The following ACTN4 variants were observed in gnomAD, a reference collection of about 807,000 sequenced individuals.
ACTN4 encodes the protein actinin alpha 4.
In ACTN4, 18 loss-of-function variants were observed where a neutral mutation model predicts 114.2. That is an observed-to-expected ratio of 0.16 (90% CI 0.11 to 0.23). The LOEUF (loss-of-function observed/expected upper bound fraction) is 0.23, where lower values mean the gene tolerates loss of function less well. ACTN4 is among the 10% of genes least tolerant of loss of function. The pLI is 1.00. For missense variants in ACTN4, 722 were observed against 1,262.9 expected, an observed-to-expected ratio of 0.57 and a Z score of 6.49; for synonymous variants, 515 against 506.3, an observed-to-expected ratio of 1.02 and a Z score of -0.23.
rs924560365 is a variant in ACTN4, at chr19:38,730,682, T to G, written c.*1250T>G. 3 of 714,676 alleles carry G rather than the reference T, an allele frequency of 4.2e-6. No homozygotes were observed. The highest frequency in any genetic ancestry group is 2.4e-5 in the Admixed American group (1 of 40,886). 44.3% of individuals were successfully genotyped at this position (714,676 alleles called of 1,614,324 possible). A position where few individuals can be genotyped will look rare whatever the true frequency, so the allele number is the denominator to read the frequency against. ...GGCTGTCGCTGTTCTTGTTTCTGAG[T>G]GAGGAGTACGCAGGCCAGAGTGGTC... On this transcript the variant is annotated 3_prime_UTR_variant, in exon 21 of 21. Coordinates refer to ENST00000252699, the MANE Select transcript of ACTN4 (RefSeq NM_004924.6).
chr19:38,706,233 C>G, intron 5 of ACTN4, 102 bp downstream of exon 5: 2 of 1,254,332 alleles, frequency 1.6e-6, no homozygotes, highest in Non-Finnish European at 2.3e-6. Flanking sequence ...CTGTGAGATG[C>G]CAGCCCTCAG....
At chr19:38,694,836 AAT>A (rs1164644630) in intron 1 of ACTN4, among the ~76,000 whole-genome samples, 1 of 152,104 alleles carries the variant, frequency 6.6e-6, no homozygotes. Context: ...AATTACCTTT[AAT>A]ATGTCATGCC....
rs1451228128 is a variant in ACTN4 at position 38,724,900 on chromosome 19, G to A, written c.2010+335G>A. Among the ~76,000 whole-genome samples, 11 of 152,300 alleles carry A rather than the reference G, an allele frequency of 7.2e-5. No individual in the cohort carries two copies. Among genetic ancestry groups the A allele is most frequent in the Admixed American group, 2.0e-4 (3 of 15,298 alleles). Reference sequence around the variant, plus strand: ...GCAGCCCAAGGAGGTCGAGGCTGCCGTGAGCTACGATCATGCCACTGCACT... The same window carrying A: ...GCAGCCCAAGGAGGTCGAGGCTGCCATGAGCTACGATCATGCCACTGCACT... On this transcript the variant is annotated intron_variant, in intron 16 of 20. Coordinates refer to ENST00000252699, the MANE Select transcript of ACTN4 (RefSeq NM_004924.6). This position sits in a 1 kb window ranked among gnomAD's most constrained non-coding sequence, Gnocchi z 7.0.
In ACTN4 at chr19:38,717,184, C is replaced by G. The variant is rs1968870021; in HGVS notation, c.1011C>G (p.Asp337Glu). 1 of 1,614,170 alleles carries G rather than the reference C, an allele frequency of 6.2e-7. No individual in the cohort carries two copies. The highest frequency in any genetic ancestry group is 1.3e-5 in the African/African-American group (1 of 74,954). Residue 337 changes from aspartate (D) to glutamate (E), a missense_variant, in exon 10 of 21, where the codon GAC becomes GAG. Asp to Glu is a conservative substitution (Grantham distance 45). Transcript: ENST00000252699. This position sits in a 1 kb window ranked among gnomAD's most constrained non-coding sequence, Gnocchi z 4.0. ...EMQQKLEDFR[D>E]YRRVHKPPKV... Reference sequence around the variant, plus strand: ...AGCAGAAGCTGGAGGACTTCCGCGACTACCGGCGTGTGCACAAGCCGCCCA... The same window carrying G: ...AGCAGAAGCTGGAGGACTTCCGCGAGTACCGGCGTGTGCACAAGCCGCCCA...
intron 9 of ACTN4, among the ~76,000 whole-genome samples, chr19:38,716,281 T>C (rs1968838473): frequency 6.6e-6 from 1 of 152,236 alleles, no homozygotes; most frequent in South Asian, 2.1e-4. Flanking sequence ...CCTAAAAGAA[T>C]ATGTTTGTTT....
intron 1 of ACTN4, among the ~76,000 whole-genome samples, chr19:38,669,281 C>T (rs1474631286): frequency 6.6e-6 from 1 of 152,158 alleles, no homozygotes; most frequent in East Asian, 1.9e-4. Flanking sequence ...TCACCGCGCC[C>T]AGCCAAAATC....
In ACTN4 at chr19:38,724,685, C is replaced by T; in HGVS notation, c.2010+120C>T. 6.6e-7 allele frequency: 1 copy of T among 1,521,956 alleles called. No homozygotes were observed. Among genetic ancestry groups the T allele is most frequent in the Non-Finnish European group, 9.0e-7 (1 of 1,115,224 alleles). The allele number at this position is 1,521,956 out of a possible 1,614,324, so 94.3% of individuals were successfully genotyped here. A position where few individuals can be genotyped will look rare whatever the true frequency, so the allele number is the denominator to read the frequency against. ...GCGCCTGGCAGAGCAGGTCCCAATTCTCACCACCCAGGGGCCGTGATCACC... is the reference window on the plus strand; with the variant it reads ...GCGCCTGGCAGAGCAGGTCCCAATTTTCACCACCCAGGGGCCGTGATCACC... On this transcript the variant is annotated intron_variant, in intron 16 of 20. Coordinates refer to ENST00000252699, the MANE Select transcript of ACTN4 (RefSeq NM_004924.6). The surrounding 1 kb of genome is among the most constrained non-coding windows in gnomAD (Gnocchi z 7.0).
intron 19 of ACTN4, chr19:38,728,412 TCC>T (rs767070636): frequency 3.7e-6 from 2 of 535,650 alleles, no homozygotes; most frequent in African/African-American, 6.6e-5. Flanking sequence ...AGCCACCCGC[TCC>T]TCCTCCTCCT....
At chr19:38,710,391 C>T (rs771874317) in intron 8 of ACTN4, 49 bp downstream of exon 8, 7 of 1,581,984 alleles carry the variant, frequency 4.4e-6, no homozygotes, top group Middle Eastern at 1.7e-4. Flanking sequence ...CGCGCAATGC[C>T]GCCGCTGCCT....
chr19:38,651,206 G>C (rs1408592907), intron 1 of ACTN4, among the ~76,000 whole-genome samples: 1 of 152,220 alleles, frequency 6.6e-6, no homozygotes, highest in East Asian at 1.9e-4. Flanking sequence ...AAAGTGGGTA[G>C]AATTGAATTC....
chr19:38,724,481 C>T lies in ACTN4; in HGVS notation c.1926C>T (p.Ser642=), dbSNP rs760716411. 4.6e-5 allele frequency: 74 copies of T among 1,613,406 alleles called. No homozygotes were observed. Among genetic ancestry groups the T allele is most frequent in the Non-Finnish European group, 5.8e-5 (68 of 1,180,006 alleles). ...ACCATGCCCTCCTGGAGGAGCAGAG[C>T]AAGCAGCAGTCCAACGAGCACCTGC... ...KRDHALLEEQ[S]KQQSNEHLRR... is the part of the protein sequence containing the mutation. The change falls in exon 16 of 21, where the codon AGC becomes AGT. Residue 642 remains serine, a synonymous_variant. Coordinates refer to ENST00000252699, the MANE Select transcript of ACTN4 (RefSeq NM_004924.6). The surrounding 1 kb of genome is among the most constrained non-coding windows in gnomAD (Gnocchi z 7.0).
intron 1 of ACTN4, among the ~76,000 whole-genome samples, chr19:38,658,374 A>T (rs1976773365): frequency 6.6e-6 from 1 of 152,178 alleles, no homozygotes; most frequent in East Asian, 1.9e-4. Flanking sequence ...AACACTGATA[A>T]ATTAAAAAGA....
chr19:38,663,327 C>G (rs1976946935), intron 1 of ACTN4, among the ~76,000 whole-genome samples: 1 of 152,186 alleles, frequency 6.6e-6, no homozygotes, highest in African/African-American at 2.4e-5. Context: ...CTCGCTGGGC[C>G]CCTCTTCAGA....
At chr19:38,704,573 G>A (rs1968391187) in intron 3 of ACTN4, among the ~76,000 whole-genome samples, 1 of 152,268 alleles carries the variant, frequency 6.6e-6, no homozygotes, top group Non-Finnish European at 1.5e-5. Flanking sequence ...CGGCAGAAAT[G>A]TACAGAGCAC....
In ACTN4 at chr19:38,693,106, G is replaced by A. The variant is rs368589825; in HGVS notation, c.163-7494G>A. ...TGCTAGGCGGGTGGGCAGTGTACAC[G>A]GCAGAAGAGGGTTGCGGCATGAGGC... On this transcript the variant is annotated intron_variant, in intron 1 of 20. Transcript: ENST00000252699. 1.3e-3 allele frequency among the ~76,000 whole-genome samples: 198 copies of A among 152,272 alleles called. 4 individuals carry two copies. The South Asian group carries it at 0.027, about 21-fold the overall frequency.
intron 1 of ACTN4, among the ~76,000 whole-genome samples, chr19:38,664,079 G>A (rs914326991): frequency 1.3e-5 from 2 of 152,198 alleles, no homozygotes; most frequent in African/African-American, 4.8e-5. Flanking sequence ...TTGAGAAGTG[G>A]GATCGGCTCC....
At chr19:38,710,135 CG>C in intron 7 of ACTN4, 121 bp from the exon 8 acceptor site, 4 of 995,012 alleles carry the variant, frequency 4.0e-6, no homozygotes, top group Non-Finnish European at 6.4e-6. Context: ...ACCCAAGTCA[CG>C]CGTCACTCTG....
intron 17 of ACTN4, among the ~76,000 whole-genome samples, chr19:38,726,287 CAAAA>C (rs971240285): frequency 3.3e-5 from 2 of 60,992 alleles, no homozygotes; most frequent in African/African-American, 6.1e-5. Context: ...GACTCTGTCT[CAAAA>C]AAAAAAAAAA....
intron 19 of ACTN4, chr19:38,728,446 C>CCTCCTCCTCCCCCCCACCT: frequency 9.4e-7 from 1 of 1,069,094 alleles, no homozygotes; most frequent in South Asian, 1.5e-5. Flanking sequence ...TCCTCCTCCT[C>CCTCCTCCTCCCCCCCACCT]CTCCCCCCCA....
Sources: gnomAD v4.1 joint callset for allele counts (sites outside exome capture counted in the v4.1 genomes callset) on GRCh38, gnomAD v4.1.1 for gene constraint, Gnocchi (gnomAD v3.1) non-coding constraint, MANE v1.5 for transcripts, NCBI Gene and HGNC (gene_info 2026-07-23, HGNC 2026-07-21) for gene names.